The following CAMTA1 variants were observed in gnomAD, a reference collection of about 807,000 sequenced individuals.
CAMTA1 encodes calmodulin binding transcription activator 1.
A neutral mutation model predicts 170.9 loss-of-function variants in CAMTA1; 27 were observed. The ratio of observed to expected loss-of-function variants is 0.16; its 90% CI spans 0.12 to 0.22. CAMTA1 has a LOEUF of 0.22. Ranked by LOEUF, CAMTA1 falls within the 10% of genes least tolerant of loss-of-function variation. The pLI is 1.00. For missense variants in CAMTA1, 1,619 were observed against 2,217.2 expected (o/e 0.73, Z 5.42); for synonymous variants, 833 against 891.5 (o/e 0.93, Z 1.17).
intron 5 of CAMTA1, among the ~76,000 whole-genome samples, chr1:7,263,627 A>G (rs1314952243): frequency 6.6e-6 from 1 of 152,162 alleles, no homozygotes; most frequent in Non-Finnish European, 1.5e-5. Context: ...TCCCGGGTGT[A>G]AGGAGCTAGA....
Position 7,212,074 on chromosome 1 carries a change from A to G in CAMTA1, c.303-37417A>G, listed in dbSNP as rs576537423. Among the ~76,000 whole-genome samples the G allele has an allele frequency of 3.9e-5, 6 of 152,308 alleles. No homozygotes were observed. In the East Asian group the frequency reaches 1.2e-3, roughly 29 times the overall value. ...TTAACCTATACCACTGAAGAAAGCA[A>G]ACCTACCAACTATAGTTCAATGTTT... On this transcript the variant is annotated intron_variant, in intron 4 of 22. Transcript: ENST00000303635.
At chr1:7,209,800 A>G (rs6577421) in intron 4 of CAMTA1, among the ~76,000 whole-genome samples, 2,236 of 152,352 alleles carry the variant, frequency 0.015, 54 homozygotes, top group African/African-American at 0.049. Flanking sequence ...CTGACATTAC[A>G]TAGCATTTAA....
chr1:7,699,445 G>A (rs1344028357), intron 11 of CAMTA1, among the ~76,000 whole-genome samples: 2 of 152,148 alleles, frequency 1.3e-5, no homozygotes, highest in East Asian at 1.9e-4. Flanking sequence ...CACCCATGTT[G>A]CAGCATGTAT....
chr1:7,341,713 G>A lies in CAMTA1; in HGVS notation c.438+92087G>A, dbSNP rs148222568. Among the ~76,000 whole-genome samples, 52 of 152,332 alleles carry A rather than the reference G, an allele frequency of 3.4e-4. No homozygotes were observed. The East Asian group carries it at 4.8e-3, about 14-fold the overall frequency. ...TGCCGTAAACATCATCTGTGTGTGC[G>A]TTATCTTCAGACAGTCTGGGCTCAG... On this transcript the variant is annotated intron_variant, in intron 5 of 22. Transcript: ENST00000303635.
At chr1:7,171,773 C>T (rs1016293820) in intron 4 of CAMTA1, among the ~76,000 whole-genome samples, 6 of 152,186 alleles carry the variant, frequency 3.9e-5, no homozygotes, top group African/African-American at 1.4e-4. Context: ...CTCCCTGGTC[C>T]CCCTCCTACA....
At chr1:7,038,083 T>A (rs2101248954) in intron 3 of CAMTA1, among the ~76,000 whole-genome samples, 1 of 152,314 alleles carries the variant, frequency 6.6e-6, no homozygotes, top group Admixed American at 6.5e-5. Flanking sequence ...CTTAATGAAG[T>A]TCTCGTGAGG....
intron 11 of CAMTA1, among the ~76,000 whole-genome samples, chr1:7,723,209 G>A (rs1337048416): frequency 1.3e-5 from 2 of 152,268 alleles, no homozygotes; most frequent in East Asian, 3.9e-4. Context: ...CAGGGGAAAT[G>A]AGAGATGAAT....
intron 4 of CAMTA1, among the ~76,000 whole-genome samples, chr1:7,208,000 G>A (rs746470387): frequency 9.9e-5 from 15 of 152,190 alleles, no homozygotes; most frequent in Admixed American, 5.2e-4. Context: ...AAAATGCCAC[G>A]TCATCTACTT....
intron 11 of CAMTA1, among the ~76,000 whole-genome samples, chr1:7,678,445 G>A (rs2096146639): frequency 6.6e-6 from 1 of 152,382 alleles, no homozygotes; most frequent in South Asian, 2.1e-4. Flanking sequence ...GAGAGGCAGG[G>A]ACTCCAAGAG....
At chr1:7,140,913 T>C (rs999263985) in intron 4 of CAMTA1, among the ~76,000 whole-genome samples, 2 of 152,210 alleles carry the variant, frequency 1.3e-5, no homozygotes, top group African/African-American at 2.4e-5. Context: ...TTTCTTTTAA[T>C]TAAAAATGTA....
At chr1:7,006,577 C>G (rs1193101267) in intron 3 of CAMTA1, among the ~76,000 whole-genome samples, 4 of 152,180 alleles carry the variant, frequency 2.6e-5, no homozygotes, top group African/African-American at 7.2e-5. Flanking sequence ...TCACCCATCT[C>G]TAAGGCCAGC....
intron 3 of CAMTA1, among the ~76,000 whole-genome samples, chr1:6,951,200 TAAAAC>T (rs1688426149): frequency 6.6e-6 from 1 of 152,192 alleles, no homozygotes; most frequent in South Asian, 2.1e-4. Context: ...AACTCACAGT[TAAAAC>T]AGGAGTCTGA....
chr1:7,686,006 G>A (rs902409503), intron 11 of CAMTA1, among the ~76,000 whole-genome samples: 4 of 151,842 alleles, frequency 2.6e-5, no homozygotes, highest in Admixed American at 6.6e-5. Flanking sequence ...TCTACTTCTC[G>A]CCATCCTCTC....
intron 6 of CAMTA1, among the ~76,000 whole-genome samples, chr1:7,606,154 G>C (rs1188009196): frequency 6.6e-6 from 1 of 152,156 alleles, no homozygotes; most frequent in Non-Finnish European, 1.5e-5. Context: ...CAAGCCCCCA[G>C]CCCTGGTCCT....
intron 4 of CAMTA1, among the ~76,000 whole-genome samples, chr1:7,160,388 C>T (rs780271061): frequency 8.5e-5 from 13 of 152,278 alleles, no homozygotes; most frequent in South Asian, 4.2e-4. Flanking sequence ...CCCCCACCAA[C>T]GACCTCCTGG....
In CAMTA1 at chr1:7,300,678, C is replaced by CAA. The variant is rs199680940; in HGVS notation, c.438+51064_438+51065dup. On this transcript the variant is annotated intron_variant, in intron 5 of 22. Transcript: ENST00000303635. This position sits in a 1 kb window ranked among gnomAD's most constrained non-coding sequence, Gnocchi z 4.1. ...GACAACAAAGAGCAAAACTCTGTCT[C>CAA]AAAAAAAAAAAAATTGTATAGATAT... Among the ~76,000 whole-genome samples the CAA allele has an allele frequency of 4.6e-3, 640 of 138,386 alleles. 5 individuals are homozygous for CAA. Among genetic ancestry groups the CAA allele is most frequent in the Middle Eastern group, 0.014 (4 of 280 alleles). The allele number at this position is 138,386 out of a possible 152,430, so 90.8% of individuals were successfully genotyped here.
At chr1:7,258,597 A>C (rs1261361605) in intron 5 of CAMTA1, among the ~76,000 whole-genome samples, 5 of 152,358 alleles carry the variant, frequency 3.3e-5, no homozygotes, top group Middle Eastern at 6.8e-3. Context: ...AGCCTCACCC[A>C]GAAACCGGGC....
chr1:7,117,519 G>A (rs1440390839), intron 4 of CAMTA1, among the ~76,000 whole-genome samples: 3 of 152,016 alleles, frequency 2.0e-5, no homozygotes, highest in Non-Finnish European at 2.9e-5. Context: ...GTTTCCATGG[G>A]GTAACCACTC....
rs898113743 is a variant in CAMTA1, at chr1:7,245,432, A to G, written c.303-4059A>G. ...ATATAACAGATCTTATAGAAGATGT[A>G]TCTATAAGCCAATAGCTTATAGATA... On this transcript the variant is annotated intron_variant, in intron 4 of 22. Transcript: ENST00000303635. Among the ~76,000 whole-genome samples the G allele has an allele frequency of 6.6e-5, 10 of 151,940 alleles. No individual in the cohort carries two copies. The East Asian group carries it at 1.9e-3, about 29-fold the overall frequency.
Sources: gnomAD v4.1 joint callset for allele counts (sites outside exome capture counted in the v4.1 genomes callset) on GRCh38, gnomAD v4.1.1 for gene constraint, Gnocchi (gnomAD v3.1) non-coding constraint, MANE v1.5 for transcripts, NCBI Gene and HGNC (gene_info 2026-07-23, HGNC 2026-07-21) for gene names.